TNFSF4: variants seen among roughly 807,000 people sequenced by gnomAD.
The protein encoded by TNFSF4 is tumor necrosis factor ligand superfamily member 4.
Under a neutral mutation model 7.3 loss-of-function variants are expected in TNFSF4, and 4 were observed. That is an observed-to-expected ratio of 0.55 (90% CI 0.27 to 1.25). The LOEUF (loss-of-function observed/expected upper bound fraction) is 1.25, where lower values mean the gene tolerates loss of function less well. Ranked by LOEUF, TNFSF4 falls within the 50% of genes most tolerant of loss-of-function variation. The probability of loss-of-function intolerance (pLI) is 0.12; values close to 1 mark genes in which losing one functional copy is unlikely to be tolerated. For missense variants in TNFSF4, 181 were observed against 208.8 expected (o/e 0.87, Z 0.82); for synonymous variants, 76 against 83.7 (o/e 0.91, Z 0.50).
chr1:173,207,167 C>T lies in TNFSF4; in HGVS notation c.10G>A (p.Val4Ile), dbSNP rs561764832. 32 of 1,611,198 alleles carry T rather than the reference C, an allele frequency of 2.0e-5. No homozygotes were observed. The South Asian group carries it at 3.5e-4, about 18-fold the overall frequency. MER[V>I]QPLEENVGNA... ...CCCACATTCTCTTCCAGGGGTTGGA[C>T]CCTTTCCATCTTCACAATCTGGGTA... is the stretch of plus-strand genomic sequence containing the variant. Residue 4 changes from valine to isoleucine, a missense_variant, in exon 1 of 3, where the codon GTC (valine) becomes ATC (isoleucine). By Grantham distance (29) the Val-to-Ile change is conservative. Coordinates refer to ENST00000281834, the MANE Select transcript of TNFSF4 (RefSeq NM_003326.5).
chr1:173,237,826 T>A, the TNFSF4 span, among the ~76,000 whole-genome samples: 2 of 152,204 alleles, frequency 1.3e-5, no homozygotes, highest in African/African-American at 4.8e-5. Context: ...AAAATGGCCA[T>A]ACTGCCCAAA....
At chr1:173,373,188 A>G in the TNFSF4 span, among the ~76,000 whole-genome samples, 120,752 of 152,244 alleles carry the variant, frequency 0.79, 48,182 homozygotes, top group East Asian at 0.91. Flanking sequence ...ATACCACAAG[A>G]AAATCATGAA....
At chr1:173,353,242 T>C in the TNFSF4 span, among the ~76,000 whole-genome samples, 4 of 152,200 alleles carry the variant, frequency 2.6e-5, no homozygotes, top group Non-Finnish European at 5.9e-5. Context: ...GAGTATTGAT[T>C]GGGGAAGTGA....
the TNFSF4 span, among the ~76,000 whole-genome samples, chr1:173,426,950 G>A: frequency 6.6e-6 from 1 of 152,148 alleles, no homozygotes; most frequent in East Asian, 1.9e-4. Flanking sequence ...GAGACTGGAA[G>A]ATGCTATACT....
At chr1:173,358,361 A>T in the TNFSF4 span, among the ~76,000 whole-genome samples, 2 of 152,196 alleles carry the variant, frequency 1.3e-5, no homozygotes, top group Non-Finnish European at 2.9e-5. Flanking sequence ...ATCTTTCAAA[A>T]GTCTGCTAAG....
chr1:173,424,994 A>C, the TNFSF4 span, among the ~76,000 whole-genome samples: 1 of 152,178 alleles, frequency 6.6e-6, no homozygotes, highest in Non-Finnish European at 1.5e-5. Flanking sequence ...AAGTTTTTCA[A>C]AGGAGAGGTT....
the TNFSF4 span, among the ~76,000 whole-genome samples, chr1:173,343,469 T>C: frequency 6.6e-6 from 1 of 151,978 alleles, no homozygotes; most frequent in Non-Finnish European, 1.5e-5. Context: ...TGGAGAAAAA[T>C]AGAAATGGGA....
the TNFSF4 span, among the ~76,000 whole-genome samples, chr1:173,309,336 T>C: frequency 6.6e-6 from 1 of 151,952 alleles, no homozygotes; most frequent in East Asian, 1.9e-4. Context: ...TTAAGAATGA[T>C]CTTTGCTATT....
At chr1:173,378,767 A>T in the TNFSF4 span, among the ~76,000 whole-genome samples, 1 of 152,004 alleles carries the variant, frequency 6.6e-6, no homozygotes, top group African/African-American at 2.4e-5. Context: ...TTACCCCCAT[A>T]TCCCAGCCTC....
chr1:173,293,364 C>T, the TNFSF4 span, among the ~76,000 whole-genome samples: 1 of 152,002 alleles, frequency 6.6e-6, no homozygotes, highest in East Asian at 1.9e-4. Context: ...CAAAAACAAG[C>T]AATGAGGAAA....
At chr1:173,420,070 A>AT in the TNFSF4 span, among the ~76,000 whole-genome samples, 1 of 152,074 alleles carries the variant, frequency 6.6e-6, no homozygotes, top group African/African-American at 2.4e-5. Flanking sequence ...GTAAAAAGCA[A>AT]TTTTTTTTCT....
At chr1:173,309,164 T>C in the TNFSF4 span, among the ~76,000 whole-genome samples, 1 of 152,030 alleles carries the variant, frequency 6.6e-6, no homozygotes, top group African/African-American at 2.4e-5. Flanking sequence ...ATAACCTTTA[T>C]AAAGAATGAC....
the TNFSF4 span, among the ~76,000 whole-genome samples, chr1:173,254,912 T>C: frequency 6.6e-6 from 1 of 152,160 alleles, no homozygotes; most frequent in African/African-American, 2.4e-5. Flanking sequence ...GAAGCTAGGT[T>C]TGAAGAACAA....
the TNFSF4 span, among the ~76,000 whole-genome samples, chr1:173,294,702 A>G: frequency 6.6e-6 from 1 of 152,072 alleles, no homozygotes; most frequent in African/African-American, 2.4e-5. Flanking sequence ...ACAGAAGTCA[A>G]TCACACTGAA....
the TNFSF4 span, among the ~76,000 whole-genome samples, chr1:173,228,529 C>T: frequency 7.2e-5 from 11 of 152,140 alleles, no homozygotes; most frequent in East Asian, 5.8e-4. Flanking sequence ...GCCTCTCCCC[C>T]CTCCAAAGGA....
chr1:173,189,281 G>A (rs559033993), intron 1 of TNFSF4, among the ~76,000 whole-genome samples: 3 of 152,252 alleles, frequency 2.0e-5, no homozygotes, highest in African/African-American at 7.2e-5. Flanking sequence ...GAGAATGCTG[G>A]TTCAATCAAT....
chr1:173,410,355 T>C, the TNFSF4 span, among the ~76,000 whole-genome samples: 1 of 152,198 alleles, frequency 6.6e-6, no homozygotes. Flanking sequence ...CAGACTAACC[T>C]ACAAAGAAGC....
chr1:173,216,477 TA>T, the TNFSF4 span, among the ~76,000 whole-genome samples: 1 of 151,866 alleles, frequency 6.6e-6, no homozygotes, highest in Non-Finnish European at 1.5e-5. Context: ...GGCCAGGAAA[TA>T]AAAGGAAATA....
At chr1:173,173,280 A>T in the TNFSF4 span, among the ~76,000 whole-genome samples, 1 of 152,162 alleles carries the variant, frequency 6.6e-6, no homozygotes. Context: ...CAAAGTCTTA[A>T]CTCATTTCAG....
Sources: allele counts gnomAD v4.1 joint callset (sites outside exome capture counted in the v4.1 genomes callset), GRCh38; gene constraint gnomAD v4.1.1; transcripts MANE v1.5; gene names NCBI Gene and HGNC (gene_info 2026-07-23, HGNC 2026-07-21).